Variants in KITLG observed in about 807,000 individuals in gnomAD.
KITLG encodes the protein c-Kit ligand.
KITLG carries 13 observed loss-of-function variants against 34.1 expected under a neutral mutation model. The observed-to-expected ratio is 0.38, with a 90% CI of 0.25 to 0.61. The LOEUF is 0.61. Ranked by LOEUF, KITLG falls within the 20% of genes least tolerant of loss-of-function variation. The pLI is 0.60. For synonymous variants in KITLG, 110 were observed against 104.0 expected, an observed-to-expected ratio of 1.06 and a Z score of -0.35; for missense variants, 292 against 318.9, an observed-to-expected ratio of 0.92 and a Z score of 0.64.
intron 1 of KITLG, among the ~76,000 whole-genome samples, chr12:88,554,329 T>G (rs1214710104): frequency 6.6e-6 from 1 of 152,338 alleles, no homozygotes; most frequent in East Asian, 1.9e-4. Flanking sequence ...TTTTAAAATA[T>G]GCATTGTCAG....
chr12:88,528,597 G>A lies in KITLG; in HGVS notation c.192+3844C>T, dbSNP rs1012134735. Among the ~76,000 whole-genome samples the A allele has an allele frequency of 1.5e-4, 23 of 152,334 alleles. 1 individual carries two copies. Among genetic ancestry groups the A allele is most frequent in the Middle Eastern group, 6.8e-3 (2 of 294 alleles). On this transcript the variant is annotated intron_variant, in intron 3 of 9. Transcript: ENST00000644744. Reference sequence around the variant, plus strand: ...AATGTGTTGAAGTTGCAAATGTACTGTGTTTAGGTAAGAAAATATCCTTCA... The same window carrying A: ...AATGTGTTGAAGTTGCAAATGTACTATGTTTAGGTAAGAAAATATCCTTCA...
intron 1 of KITLG, among the ~76,000 whole-genome samples, chr12:88,551,443 A>C (rs1870910566): frequency 6.6e-6 from 1 of 152,242 alleles, no homozygotes; most frequent in Admixed American, 6.5e-5. Context: ...TTGAAATATT[A>C]AACTTTGCTT....
In KITLG at chr12:88,580,438, G is replaced by C. The variant is rs1871980569; in HGVS notation, c.-160C>G. The C allele has an allele frequency of 1.1e-6, 1 of 871,856 alleles. No individual in the cohort carries two copies. Among genetic ancestry groups the C allele is most frequent in the South Asian group, 1.6e-5 (1 of 64,440 alleles). 54.0% of individuals were successfully genotyped at this position (871,856 alleles called of 1,614,324 possible). On this transcript the variant is annotated 5_prime_UTR_variant, in exon 1 of 10. Coordinates refer to ENST00000644744, the MANE Select transcript of KITLG (RefSeq NM_000899.5). ...CTCCACTGTCCCTGCTTCCCGCAGCGCTTCTAGTCTCGGCGCGAGGCGGCG... is the reference window on the plus strand; with the variant it reads ...CTCCACTGTCCCTGCTTCCCGCAGCCCTTCTAGTCTCGGCGCGAGGCGGCG...
Position 88,508,995 on chromosome 12 carries a change from C to A in KITLG, c.605-1858G>T, listed in dbSNP as rs571992880. Among the ~76,000 whole-genome samples the A allele has an allele frequency of 3.9e-5, 6 of 152,214 alleles. No homozygotes were observed. The East Asian group carries it at 1.2e-3, about 29-fold the overall frequency. On this transcript the variant is annotated intron_variant, in intron 6 of 9. Coordinates refer to ENST00000644744, the MANE Select transcript of KITLG (RefSeq NM_000899.5). ...TTAATAATACTGTTTGTAAATAAAT[C>A]ATTTGGCTGTTTTGGTTCTCCTTGA...
chr12:88,542,289 G>A lies in KITLG; in HGVS notation c.129+3463C>T, dbSNP rs1421312525. ...AGAAATGAACATAAGGCATATGAAG[G>A]CAGCACAATTCTGAGCTTCATGTGT... On this transcript the variant is annotated intron_variant, in intron 2 of 9. Transcript: ENST00000644744. 8.5e-5 allele frequency among the ~76,000 whole-genome samples: 13 copies of A among 152,158 alleles called. No homozygotes were observed. In the South Asian group the frequency reaches 2.7e-3, roughly 32 times the overall value.
At chr12:88,528,052 GGA>G (rs1869944554) in intron 3 of KITLG, among the ~76,000 whole-genome samples, 1 of 152,110 alleles carries the variant, frequency 6.6e-6, no homozygotes, top group Admixed American at 6.6e-5. Flanking sequence ...TTACAGTTCT[GGA>G]GGTCAGAAGT....
chr12:88,544,241 A>G (rs1252812138), intron 2 of KITLG, among the ~76,000 whole-genome samples: 3 of 152,106 alleles, frequency 2.0e-5, no homozygotes, highest in African/African-American at 4.8e-5. Context: ...TGTGCTCACT[A>G]TGGGCTTAGG....
At chr12:88,541,551 A>G (rs1383968576) in intron 2 of KITLG, among the ~76,000 whole-genome samples, 1 of 152,186 alleles carries the variant, frequency 6.6e-6, no homozygotes, top group Non-Finnish European at 1.5e-5. Context: ...TCCTATATGA[A>G]CAATTACAAC....
At chr12:88,505,542 C>T (rs1230415727) in intron 8 of KITLG, among the ~76,000 whole-genome samples, 1 of 152,118 alleles carries the variant, frequency 6.6e-6, no homozygotes, top group Non-Finnish European at 1.5e-5. Flanking sequence ...GAAGGCAACA[C>T]ACCAAATGAA....
intron 1 of KITLG, 73 bp downstream of exon 1, chr12:88,580,191 C>G: frequency 6.7e-7 from 1 of 1,492,178 alleles, no homozygotes; most frequent in Non-Finnish European, 9.2e-7. Context: ...TCCCAGGGAG[C>G]GCCGGCTTCC....
intron 9 of KITLG, among the ~76,000 whole-genome samples, chr12:88,503,665 G>A (rs915716221): frequency 1.4e-4 from 22 of 152,092 alleles, no homozygotes; most frequent in East Asian, 3.9e-4. Flanking sequence ...GAAAGCAGAC[G>A]GGACAGGAGA....
intron 1 of KITLG, among the ~76,000 whole-genome samples, chr12:88,566,132 T>G (rs1177243433): frequency 1.3e-5 from 2 of 152,202 alleles, no homozygotes; most frequent in Non-Finnish European, 2.9e-5. Context: ...AGTGGCTCAT[T>G]TATCATTTCT....
chr12:88,536,993 G>A (rs1870342891), intron 2 of KITLG, among the ~76,000 whole-genome samples: 1 of 151,926 alleles, frequency 6.6e-6, no homozygotes, highest in Admixed American at 6.6e-5. Context: ...TTAAAAAAAT[G>A]TCAAAAAACA....
chr12:88,549,720 G>A (rs1870830947), intron 1 of KITLG, among the ~76,000 whole-genome samples: 1 of 152,090 alleles, frequency 6.6e-6, no homozygotes, highest in Non-Finnish European at 1.5e-5. Flanking sequence ...GGGAAACTTG[G>A]GGTGCAGATA....
intron 9 of KITLG, among the ~76,000 whole-genome samples, chr12:88,504,920 T>C (rs1181942311): frequency 1.5e-5 from 2 of 133,230 alleles, no homozygotes; most frequent in African/African-American, 5.8e-5. Context: ...AATTGAACAA[T>C]GAGAACACTT....
In KITLG at chr12:88,532,504, C is replaced by G. The variant is rs768374847; in HGVS notation, c.130-1G>C. The G allele has an allele frequency of 6.2e-7, 1 of 1,602,034 alleles. No homozygotes were observed. The highest frequency in any genetic ancestry group is 8.5e-7 in the Non-Finnish European group (1 of 1,174,004). Reference sequence around the variant, plus strand: ...TGTAGTCTTTTGGAAGATTTGCCACCTACAGAGACAAAAAAAAAAATTCCA... The same window carrying G: ...TGTAGTCTTTTGGAAGATTTGCCACGTACAGAGACAAAAAAAAAAATTCCA... On this transcript the variant is annotated splice_acceptor_variant, in intron 2 of 9. Transcript: ENST00000644744. LOFTEE classifies it high-confidence loss of function.
chr12:88,494,686 G>A lies in KITLG; in HGVS notation c.*2533C>T, dbSNP rs550090876. On this transcript the variant is annotated 3_prime_UTR_variant, in exon 10 of 10. Transcript: ENST00000644744. The stretch of plus-strand genomic sequence containing the variant: ...AAATAGACCTGGTTTCTACCAAAGA[G>A]GTGCAAAGCTTTCAGTATCATTGAG... 1.4e-3 allele frequency: 218 copies of A among 152,426 alleles called. No individual in the cohort carries two copies. Among genetic ancestry groups the A allele is most frequent in the African/African-American group, 5.2e-3 (214 of 41,522 alleles). 9.4% of individuals were successfully genotyped at this position (152,426 alleles called of 1,614,324 possible). A position where few individuals can be genotyped will look rare whatever the true frequency, so the allele number is the denominator to read the frequency against.
intron 1 of KITLG, among the ~76,000 whole-genome samples, chr12:88,560,423 A>C (rs535405449): frequency 1.3e-4 from 20 of 152,216 alleles, no homozygotes; most frequent in Admixed American, 3.3e-4. Context: ...ATTGCACATA[A>C]TAATTGTAAA....
intron 4 of KITLG, 52 bp downstream of exon 4, chr12:88,518,645 T>G: frequency 7.0e-7 from 1 of 1,422,020 alleles, no homozygotes; most frequent in Non-Finnish European, 9.9e-7. Flanking sequence ...CCAAGAAGCA[T>G]GGGTTTTTAG....
Sources: gnomAD v4.1 joint callset for allele counts (sites outside exome capture counted in the v4.1 genomes callset) on GRCh38, gnomAD v4.1.1 for gene constraint, MANE v1.5 for transcripts, NCBI Gene and HGNC (gene_info 2026-07-23, HGNC 2026-07-21) for gene names.